Variants in DAPK1 observed in about 807,000 individuals in gnomAD.
The protein encoded by DAPK1 is death-associated protein kinase 1.
DAPK1 carries 56 observed loss-of-function variants against 144.9 expected under a neutral mutation model. That is an observed-to-expected ratio of 0.39 (90% CI 0.31 to 0.48). DAPK1 has a LOEUF of 0.48. Among genes scored for constraint, DAPK1 ranks in the 20% least tolerant of loss-of-function variants. The probability of loss-of-function intolerance (pLI) is 0.95; values close to 1 mark genes in which losing one functional copy is unlikely to be tolerated. For missense variants in DAPK1, 1,454 were observed against 1,875.4 expected (o/e 0.78, Z 4.15); for synonymous variants, 690 against 749.0 (o/e 0.92, Z 1.29).
Position 87,645,969 on chromosome 9 carries a change from C to T in DAPK1, c.1086C>T (p.His362=), listed in dbSNP as rs764114271. 6.2e-7 allele frequency: 1 copy of T among 1,614,132 alleles called. No individual in the cohort carries two copies. The highest frequency in any genetic ancestry group is 8.5e-7 in the Non-Finnish European group (1 of 1,179,988). ...ATGACAATGTCCCAGGCCTGCAGCA[C>T]CTTCTGGGCTCATTATCCAACTATG... ...INDDNVPGLQ[H]LLGSLSNYDV... The change falls in exon 12 of 26, where the codon CAC becomes CAT. Residue 362 remains histidine, a synonymous_variant. Transcript: ENST00000408954.
chr9:87,552,880 G>A (rs564662716), intron 2 of DAPK1, among the ~76,000 whole-genome samples: 2 of 152,030 alleles, frequency 1.3e-5, no homozygotes, highest in South Asian at 2.1e-4. Flanking sequence ...GATTACAGGT[G>A]TGAGCCATTG....
intron 2 of DAPK1, among the ~76,000 whole-genome samples, chr9:87,522,270 C>T (rs1825326891): frequency 6.6e-6 from 1 of 152,194 alleles, no homozygotes; most frequent in Non-Finnish European, 1.5e-5. Context: ...GTAATACATT[C>T]ACACAGTTCG....
rs36232904 is a variant in DAPK1 at position 87,566,073 on chromosome 9, T to C, written c.63-38881T>C. Reference sequence around the variant, plus strand: ...TCTTGCTCTGTGGCCCAGGCTGGAGTGCAGTGGCACGATCTTGGCTCACTG... The same window carrying C: ...TCTTGCTCTGTGGCCCAGGCTGGAGCGCAGTGGCACGATCTTGGCTCACTG... On this transcript the variant is annotated intron_variant, in intron 2 of 25. Coordinates refer to ENST00000408954, the MANE Select transcript of DAPK1 (RefSeq NM_004938.4). Among the ~76,000 whole-genome samples the C allele has an allele frequency of 3.2e-3, 468 of 147,924 alleles. 7 individuals are homozygous for C. Among genetic ancestry groups the C allele is most frequent in the African/African-American group, 0.011 (427 of 39,498 alleles).
chr9:87,562,584 T>C (rs539287920), intron 2 of DAPK1, among the ~76,000 whole-genome samples: 63 of 152,310 alleles, frequency 4.1e-4, no homozygotes, highest in Non-Finnish European at 8.1e-4. Context: ...GTTATTTAAA[T>C]AGAGAATTCT....
At chr9:87,644,373 CG>C (rs1390731570) in intron 11 of DAPK1, among the ~76,000 whole-genome samples, 1 of 151,866 alleles carries the variant, frequency 6.6e-6, no homozygotes. Flanking sequence ...GGTTGTCCTG[CG>C]GGAACTACCC....
chr9:87,669,216 A>G (rs542440391), intron 19 of DAPK1, among the ~76,000 whole-genome samples: 10 of 152,354 alleles, frequency 6.6e-5, no homozygotes, highest in Admixed American at 1.3e-4. Context: ...TAATACAGTA[A>G]TAAAAATTGG....
At chr9:87,532,133 C>A (rs1013037093) in intron 2 of DAPK1, among the ~76,000 whole-genome samples, 6 of 152,184 alleles carry the variant, frequency 3.9e-5, no homozygotes, top group African/African-American at 1.4e-4. Flanking sequence ...CACACATTGC[C>A]AAGGCCCTAT....
At chr9:87,511,075 G>C in intron 2 of DAPK1, among the ~76,000 whole-genome samples, 1 of 152,124 alleles carries the variant, frequency 6.6e-6, no homozygotes, top group East Asian at 1.9e-4. Context: ...GCCTCCCACA[G>C]GCAGAGTGCG....
chr9:87,695,189 C>T (rs1825213014), intron 21 of DAPK1, among the ~76,000 whole-genome samples: 1 of 152,206 alleles, frequency 6.6e-6, no homozygotes, highest in African/African-American at 2.4e-5. Flanking sequence ...ACTCCAAGAG[C>T]CAATTTCTGG....
At chr9:87,557,738 C>G (rs959784054) in intron 2 of DAPK1, among the ~76,000 whole-genome samples, 3 of 152,144 alleles carry the variant, frequency 2.0e-5, no homozygotes, top group Admixed American at 2.0e-4. Flanking sequence ...GTCAGGAGTT[C>G]GAGAACAGCC....
chr9:87,562,391 G>T lies in DAPK1; in HGVS notation c.63-42563G>T, dbSNP rs1022168807. On this transcript the variant is annotated intron_variant, in intron 2 of 25. Coordinates refer to ENST00000408954, the MANE Select transcript of DAPK1 (RefSeq NM_004938.4). Reference sequence around the variant, plus strand: ...TTGCAATCACATTGGTGAGGAAGAGGCTGTCACAAATTAAGGACTGGGTCT... The same window carrying T: ...TTGCAATCACATTGGTGAGGAAGAGTCTGTCACAAATTAAGGACTGGGTCT... Among the ~76,000 whole-genome samples the T allele has an allele frequency of 2.6e-5, 4 of 152,266 alleles. No individual in the cohort carries two copies. In the South Asian group the frequency reaches 6.2e-4, roughly 24 times the overall value.
chr9:87,644,784 C>G (rs1219072723), intron 11 of DAPK1, among the ~76,000 whole-genome samples: 1 of 152,098 alleles, frequency 6.6e-6, no homozygotes, highest in East Asian at 1.9e-4. Flanking sequence ...TGTAGGAGCT[C>G]CAGGTGGAAA....
At chr9:87,642,914 T>C (rs1830143185) in intron 10 of DAPK1, among the ~76,000 whole-genome samples, 1 of 152,204 alleles carries the variant, frequency 6.6e-6, no homozygotes. Context: ...CCCCCAGCTG[T>C]TCACTTCCAA....
intron 2 of DAPK1, among the ~76,000 whole-genome samples, chr9:87,577,445 C>T (rs150774651): frequency 0.013 from 1,980 of 152,220 alleles, 80 homozygotes; most frequent in Admixed American, 0.08. Context: ...GGGTCCCCCC[C>T]AAGAGATACT....
At chr9:87,644,963 A>G (rs1253865642) in intron 11 of DAPK1, among the ~76,000 whole-genome samples, 1 of 152,234 alleles carries the variant, frequency 6.6e-6, no homozygotes, top group African/African-American at 2.4e-5. Context: ...ATTCTTAAAC[A>G]TGCATTTTAT....
chr9:87,572,300 G>A (rs1353019779), intron 2 of DAPK1, among the ~76,000 whole-genome samples: 2 of 152,094 alleles, frequency 1.3e-5, no homozygotes, highest in Admixed American at 6.6e-5. Context: ...ATTTAGACCG[G>A]GTTCTATGAC....
rs1168952059 is a variant in DAPK1 at position 87,606,095 on chromosome 9, CATCCAACAGTCCCCTTCTTTGCG to C, written c.284+928_284+950del. On this transcript the variant is annotated intron_variant, in intron 3 of 25. Transcript: ENST00000408954. ...TTGAATTCAGATTTGCCCTTTTGCC[CATCCAACAGTCCCCTTCTTTGCG>C]ATCCAACGGCCTCCTTCTTTGCAGA... 2.6e-5 allele frequency among the ~76,000 whole-genome samples: 4 copies of C among 152,308 alleles called. No individual in the cohort carries two copies. The South Asian group carries it at 6.2e-4, about 24-fold the overall frequency.
Position 87,707,031 on chromosome 9 carries a change from C to T in DAPK1, c.3960C>T (p.Pro1320=), listed in dbSNP as rs754539714. 1.7e-5 allele frequency: 27 copies of T among 1,613,700 alleles called. No homozygotes were observed. The highest frequency in any genetic ancestry group is 4.4e-5 in the South Asian group (4 of 91,088). ...RRKLSRLLDP[P]DPLGKDWCLL... is the part of the protein sequence containing the mutation. ...AACTGAGTCGCCTGCTGGACCCGCC[C>T]GACCCCCTGGGGAAGGACTGGTGCC... The change falls in exon 26 of 26, where the codon CCC becomes CCT. Residue 1320 remains proline, a synonymous_variant. Transcript: ENST00000408954. The surrounding 1 kb of genome is among the most constrained non-coding windows in gnomAD (Gnocchi z 4.0).
chr9:87,623,228 G>T (rs1829367488), intron 3 of DAPK1, among the ~76,000 whole-genome samples: 1 of 152,190 alleles, frequency 6.6e-6, no homozygotes, highest in Non-Finnish European at 1.5e-5. Flanking sequence ...CACCAATCCA[G>T]CATTCTGTTT....
Sources: allele counts gnomAD v4.1 joint callset (sites outside exome capture counted in the v4.1 genomes callset), GRCh38; gene constraint gnomAD v4.1.1; non-coding constraint Gnocchi (gnomAD v3.1); transcripts MANE v1.5; gene names NCBI Gene and HGNC (gene_info 2026-07-23, HGNC 2026-07-21).